Variants in STK3 observed in about 807,000 individuals in gnomAD.
STK3 encodes the protein serine/threonine kinase 3.
Under a neutral mutation model 58.0 loss-of-function variants are expected in STK3, and 41 were observed. The observed-to-expected ratio is 0.71, with a 90% CI of 0.55 to 0.92. The LOEUF (loss-of-function observed/expected upper bound fraction) is 0.92, where lower values mean the gene tolerates loss of function less well. Among genes scored for constraint, STK3 ranks in the 40% least tolerant of loss-of-function variants. The probability of loss-of-function intolerance (pLI) is 0.00; values close to 1 mark genes in which losing one functional copy is unlikely to be tolerated. For synonymous variants in STK3, 170 were observed against 191.0 expected (o/e 0.89, Z 0.91); for missense variants, 479 against 602.7 (o/e 0.79, Z 2.15).
chr8:98,358,934 C>T, the STK3 span, among the ~76,000 whole-genome samples: 1 of 152,124 alleles, frequency 6.6e-6, no homozygotes, highest in Non-Finnish European at 1.5e-5. Context: ...TGGACTGCAG[C>T]GCACACACGC....
chr8:98,933,381 T>G (rs1012450502), intron 1 of STK3, among the ~76,000 whole-genome samples: 32 of 152,222 alleles, frequency 2.1e-4, no homozygotes, highest in African/African-American at 7.0e-4. Context: ...AAACAAGGCA[T>G]AGCTTACAGA....
chr8:98,827,948 C>T (rs1835374056), upstream of STK3, among the ~76,000 whole-genome samples: 3 of 151,850 alleles, frequency 2.0e-5, no homozygotes, highest in South Asian at 6.2e-4. Flanking sequence ...ACTCTAACCC[C>T]CCCAACTCTC....
At chr8:98,775,547 G>GAT (rs1799016436) in intron 1 of STK3, among the ~76,000 whole-genome samples, 1 of 152,138 alleles carries the variant, frequency 6.6e-6, no homozygotes, top group African/African-American at 2.4e-5. Context: ...TGCTTTGTTG[G>GAT]ATAAAGACAA....
intron 1 of STK3, among the ~76,000 whole-genome samples, chr8:98,896,467 C>CA (rs1210082129): frequency 6.6e-6 from 1 of 152,252 alleles, no homozygotes; most frequent in African/African-American, 2.4e-5. Flanking sequence ...CTTCCCAACA[C>CA]ACCCACTTCC....
intron 6 of STK3, among the ~76,000 whole-genome samples, chr8:98,661,456 C>G (rs1712117960): frequency 6.6e-6 from 1 of 152,096 alleles, no homozygotes; most frequent in South Asian, 2.1e-4. Context: ...AGGGTATCAT[C>G]ATTTCTCCCC....
At chr8:98,539,221 T>G (rs887077580) in intron 9 of STK3, among the ~76,000 whole-genome samples, 5 of 152,198 alleles carry the variant, frequency 3.3e-5, no homozygotes, top group African/African-American at 7.2e-5. Flanking sequence ...TTCATGAGCA[T>G]TAAACATTAT....
At chr8:98,529,008 A>C (rs1825949298) in intron 9 of STK3, among the ~76,000 whole-genome samples, 1 of 52,172 alleles carries the variant, frequency 1.9e-5, no homozygotes, top group African/African-American at 6.5e-5. Flanking sequence ...ATTCTAGTCT[A>C]CTGTTCCTCT....
chr8:98,483,916 T>C (rs1430779354), intron 10 of STK3, among the ~76,000 whole-genome samples: 4 of 152,240 alleles, frequency 2.6e-5, no homozygotes, highest in African/African-American at 9.6e-5. Flanking sequence ...GGAGTGTGTT[T>C]GAACACAGAC....
At chr8:98,711,907 G>T (rs961997797) in intron 4 of STK3, among the ~76,000 whole-genome samples, 2 of 152,148 alleles carry the variant, frequency 1.3e-5, no homozygotes, top group Non-Finnish European at 2.9e-5. Flanking sequence ...ACCCACAAAG[G>T]GAAGCCCATC....
chr8:98,384,260 C>A (rs1563588956), intron 1 of STK3, among the ~76,000 whole-genome samples: 1 of 152,172 alleles, frequency 6.6e-6, no homozygotes, highest in Non-Finnish European at 1.5e-5. Flanking sequence ...CTAAAGGACA[C>A]CTAGGGGTGT....
At chr8:98,936,584 T>C (rs1840205683) in intron 1 of STK3, among the ~76,000 whole-genome samples, 1 of 152,222 alleles carries the variant, frequency 6.6e-6, no homozygotes, top group Admixed American at 6.5e-5. Flanking sequence ...CCAGGCCATA[T>C]GGCTTGTCAA....
rs143280683 is a variant in STK3, at chr8:98,859,935, T to C, written c.110+23712A>G. Among the ~76,000 whole-genome samples, 12 of 152,324 alleles carry C rather than the reference T, an allele frequency of 7.9e-5. No homozygotes were observed. The East Asian group carries it at 2.3e-3, about 29-fold the overall frequency. ...TTACCTACTTGAGCTCCAAGCCTAC[T>C]CAGAGAAATAAAACTATTGCAATAT... On this transcript the variant is annotated intron_variant, in intron 3 of 12. Transcript: ENST00000523601.
intron 10 of STK3, among the ~76,000 whole-genome samples, chr8:98,470,582 A>C (rs1820845060): frequency 6.6e-6 from 1 of 152,242 alleles, no homozygotes; most frequent in African/African-American, 2.4e-5. Flanking sequence ...GAAGGGAGAG[A>C]TAACTCTTAA....
chr8:98,926,122 A>T (rs1421441592), intron 1 of STK3, among the ~76,000 whole-genome samples: 1 of 152,182 alleles, frequency 6.6e-6, no homozygotes, highest in East Asian at 1.9e-4. Context: ...TTCAAGAACC[A>T]CATATAAGGA....
chr8:98,753,318 G>A (rs1289371950), intron 3 of STK3, among the ~76,000 whole-genome samples: 2 of 152,206 alleles, frequency 1.3e-5, no homozygotes, highest in Admixed American at 1.3e-4. Flanking sequence ...CATGTCCTTT[G>A]CAGAGACATG....
chr8:98,713,140 T>C (rs1008922614), intron 4 of STK3, among the ~76,000 whole-genome samples: 3 of 152,158 alleles, frequency 2.0e-5, no homozygotes, highest in Non-Finnish European at 4.4e-5. Context: ...AAGCAGTGTG[T>C]AGAGGGAAAT....
intron 1 of STK3, among the ~76,000 whole-genome samples, chr8:98,917,417 T>C (rs1839383752): frequency 6.6e-6 from 1 of 152,170 alleles, no homozygotes; most frequent in South Asian, 2.1e-4. Context: ...CTGTAATGGA[T>C]TGAACGTTTG....
At chr8:98,787,403 T>C (rs1168302249) in intron 1 of STK3, among the ~76,000 whole-genome samples, 1 of 151,322 alleles carries the variant, frequency 6.6e-6, no homozygotes, top group Non-Finnish European at 1.5e-5. Context: ...AATAAGAAAA[T>C]ATGGACAAAG....
the STK3 span, among the ~76,000 whole-genome samples, chr8:98,356,110 T>A: frequency 2.4e-4 from 37 of 152,348 alleles, no homozygotes; most frequent in African/African-American, 8.2e-4. Flanking sequence ...CCATGCAGAT[T>A]GGGCTGGGGT....
Sources: gnomAD v4.1 joint callset for allele counts (sites outside exome capture counted in the v4.1 genomes callset) on GRCh38, gnomAD v4.1.1 for gene constraint, MANE v1.5 for transcripts, NCBI Gene and HGNC (gene_info 2026-07-23, HGNC 2026-07-21) for gene names.